The following CELF4 variants were observed in gnomAD, a reference collection of about 807,000 sequenced individuals.
CELF4 encodes the protein CUGBP Elav-like family member 4.
CELF4 carries 18 observed loss-of-function variants against 59.9 expected under a neutral mutation model. The observed-to-expected ratio is 0.30, with a 90% CI of 0.21 to 0.45. The LOEUF (loss-of-function observed/expected upper bound fraction) is 0.45, where lower values mean the gene tolerates loss of function less well. CELF4 is among the 20% of genes least tolerant of loss of function. The probability of loss-of-function intolerance (pLI) is 1.00; values close to 1 mark genes in which losing one functional copy is unlikely to be tolerated. For missense variants in CELF4, 456 were observed against 689.0 expected, an observed-to-expected ratio of 0.66 and a Z score of 3.79; for synonymous variants, 261 against 267.1, an observed-to-expected ratio of 0.98 and a Z score of 0.22.
chr18:37,559,330 AC>A (rs2099985855), intron 1 of CELF4, among the ~76,000 whole-genome samples: 1 of 151,952 alleles, frequency 6.6e-6, no homozygotes, highest in South Asian at 2.1e-4. Flanking sequence ...GCTCACTCCA[AC>A]ACCCACACAG....
At chr18:37,367,961 G>A (rs1603629350) in intron 2 of CELF4, among the ~76,000 whole-genome samples, 1 of 152,026 alleles carries the variant, frequency 6.6e-6, no homozygotes, top group African/African-American at 2.4e-5. Flanking sequence ...AGAGTCAGGG[G>A]GAGGGTGGGC....
chr18:37,311,425 C>A (rs993256868), intron 3 of CELF4, among the ~76,000 whole-genome samples: 1 of 152,134 alleles, frequency 6.6e-6, no homozygotes, highest in African/African-American at 2.4e-5. Flanking sequence ...ATAGAAGAGG[C>A]TTCCTAGCTT....
At chr18:37,317,040 G>A (rs1385540229) in intron 3 of CELF4, among the ~76,000 whole-genome samples, 2 of 152,186 alleles carry the variant, frequency 1.3e-5, no homozygotes, top group African/African-American at 4.8e-5. Context: ...GCCTTGGTTT[G>A]TGCCTTTAAG....
chr18:37,346,343 G>T (rs931616545), intron 2 of CELF4, among the ~76,000 whole-genome samples: 2 of 152,164 alleles, frequency 1.3e-5, no homozygotes, highest in Non-Finnish European at 2.9e-5. Context: ...GGGAGCCCAG[G>T]GGGAAAAAAG....
rs76290459 is a variant in CELF4 at position 37,270,931 on chromosome 18, T to C, written c.950-14A>G. The C allele has an allele frequency of 0.042, 66,467 of 1,591,364 alleles. 1,705 individuals carry two copies. Among genetic ancestry groups the C allele is most frequent in the Non-Finnish European group, 0.05 (58,934 of 1,167,890 alleles). On this transcript the variant is annotated splice_polypyrimidine_tract_variant and intron_variant, in intron 7 of 12. Transcript: ENST00000420428. ...GGGTGCTGCCACCTGGTTCCAGGCA[T>C]ACAGAAGGGTGGAGGAGGAGGGGAG...
chr18:37,500,346 A>G (rs549663637), intron 1 of CELF4, among the ~76,000 whole-genome samples: 2 of 152,136 alleles, frequency 1.3e-5, no homozygotes, highest in East Asian at 3.9e-4. Context: ...GATGGGAAGG[A>G]GTAGGGCCGA....
intron 2 of CELF4, among the ~76,000 whole-genome samples, chr18:37,484,138 T>C (rs2099876140): frequency 6.6e-6 from 1 of 152,166 alleles, no homozygotes; most frequent in Admixed American, 6.5e-5. Context: ...CATAACAATG[T>C]GGTATTTTCT....
At chr18:37,332,194 TC>T (rs2097567909) in intron 2 of CELF4, among the ~76,000 whole-genome samples, 1 of 152,038 alleles carries the variant, frequency 6.6e-6, no homozygotes, top group Non-Finnish European at 1.5e-5. Context: ...GGCCCAAATT[TC>T]CCCAGGTTGC....
chr18:37,353,006 A>T (rs370813064), intron 2 of CELF4, among the ~76,000 whole-genome samples: 2 of 151,992 alleles, frequency 1.3e-5, no homozygotes, highest in Non-Finnish European at 2.9e-5. Flanking sequence ...CAGATCAGGA[A>T]GTCAGGAGAT....
intron 3 of CELF4, among the ~76,000 whole-genome samples, chr18:37,297,698 G>A (rs923167610): frequency 6.6e-6 from 1 of 152,182 alleles, no homozygotes; most frequent in Admixed American, 6.5e-5. Flanking sequence ...TTCCAGGCAG[G>A]GTCCCCAAAG....
At chr18:37,251,134 A>G (rs1027266420) in intron 12 of CELF4, among the ~76,000 whole-genome samples, 14 of 152,136 alleles carry the variant, frequency 9.2e-5, no homozygotes, top group African/African-American at 2.9e-4. Flanking sequence ...TCTGTGCCCC[A>G]TCTGTGAAAT....
At chr18:37,424,316 C>T (rs776688503) in intron 2 of CELF4, among the ~76,000 whole-genome samples, 29 of 151,984 alleles carry the variant, frequency 1.9e-4, no homozygotes, top group Admixed American at 2.6e-4. Context: ...TGGGCTGTCA[C>T]GGGAGGCTGG....
chr18:37,433,071 G>A (rs1285353564), intron 2 of CELF4, among the ~76,000 whole-genome samples: 1 of 152,168 alleles, frequency 6.6e-6, no homozygotes, highest in African/African-American at 2.4e-5. Context: ...GCCTGTGGGA[G>A]GTGAGCAGTG....
intron 9 of CELF4, among the ~76,000 whole-genome samples, chr18:37,265,778 A>C (rs2077241023): frequency 6.6e-6 from 1 of 152,066 alleles, no homozygotes; most frequent in African/African-American, 2.4e-5. Context: ...CAGTCCCCTC[A>C]CCCCTTGCCA....
intron 2 of CELF4, among the ~76,000 whole-genome samples, chr18:37,357,638 C>A (rs1208573807): frequency 2.0e-5 from 3 of 152,140 alleles, no homozygotes; most frequent in East Asian, 1.9e-4. Context: ...GGTAGATCCA[C>A]CAACAGCTTG....
intron 3 of CELF4, among the ~76,000 whole-genome samples, chr18:37,290,919 T>A (rs971950577): frequency 2.0e-5 from 3 of 152,280 alleles, no homozygotes; most frequent in Non-Finnish European, 4.4e-5. Flanking sequence ...TTATTTTTAT[T>A]TTTTGAGATG....
intron 2 of CELF4, among the ~76,000 whole-genome samples, chr18:37,381,400 C>G (rs1029668715): frequency 1.3e-5 from 2 of 152,050 alleles, no homozygotes; most frequent in African/African-American, 4.8e-5. Flanking sequence ...TGACTTAGGC[C>G]CCCTGGCTCT....
intron 2 of CELF4, among the ~76,000 whole-genome samples, chr18:37,425,039 G>A (rs1004288154): frequency 3.3e-5 from 5 of 152,184 alleles, no homozygotes; most frequent in Non-Finnish European, 7.3e-5. Flanking sequence ...CCCTCTCTGG[G>A]CATTTGGTCA....
intron 2 of CELF4, among the ~76,000 whole-genome samples, chr18:37,457,249 C>T (rs1045426020): frequency 7.9e-5 from 12 of 152,180 alleles, no homozygotes; most frequent in African/African-American, 2.4e-4. Context: ...GAGACACCAG[C>T]GGCTGATCGT....
Sources: allele counts gnomAD v4.1 joint callset (sites outside exome capture counted in the v4.1 genomes callset), GRCh38; gene constraint gnomAD v4.1.1; transcripts MANE v1.5; gene names NCBI Gene and HGNC (gene_info 2026-07-23, HGNC 2026-07-21).